Variants in SNX29 observed in about 807,000 individuals in gnomAD.
SNX29 encodes sorting nexin-29.
In SNX29, 78 loss-of-function variants were observed where a neutral mutation model predicts 102.1. That is an observed-to-expected ratio of 0.76 (90% CI 0.64 to 0.92). The LOEUF is 0.92. Among genes scored for constraint, SNX29 ranks in the 40% least tolerant of loss-of-function variants. SNX29 has a pLI of 0.00. For missense variants in SNX29, 1,280 were observed against 1,061.7 expected (o/e 1.21, Z -2.86); for synonymous variants, 580 against 414.5 (o/e 1.40, Z -4.85).
In SNX29 at chr16:12,568,563, C is replaced by A. The variant is rs2288423; in HGVS notation, c.2376C>A (p.Phe792Leu). The A allele has an allele frequency of 6.8e-6, 11 of 1,608,342 alleles. No homozygotes were observed. The South Asian group carries it at 7.7e-5, about 11-fold the overall frequency. The change falls in exon 21 of 21, where the codon TTC becomes TTA. Residue 792 changes from phenylalanine to leucine, a missense_variant. Physicochemically the swap from Phe to Leu is conservative, Grantham distance 22. Coordinates refer to ENST00000566228, the MANE Select transcript of SNX29 (RefSeq NM_032167.5). ...VNSRPKAASR[F>L]PKLSRGQPRE... is the part of the protein sequence containing the mutation. Reference sequence around the variant, plus strand: ...GCCGGCCCAAAGCAGCTTCCCGCTTCCCCAAACTGTCCCGGGGTCAGCCCC... The same window carrying A: ...GCCGGCCCAAAGCAGCTTCCCGCTTACCCAAACTGTCCCGGGGTCAGCCCC...
At chr16:12,457,935 C>T (rs1974707) in intron 18 of SNX29, among the ~76,000 whole-genome samples, 45,727 of 152,098 alleles carry the variant, frequency 0.3, 7,768 homozygotes, top group East Asian at 0.46. Flanking sequence ...TTTAAACATA[C>T]ATTAGAGAGA....
At chr16:12,482,316 T>G (rs556239413) in intron 19 of SNX29, among the ~76,000 whole-genome samples, 1 of 152,222 alleles carries the variant, frequency 6.6e-6, no homozygotes, top group Admixed American at 6.5e-5. Context: ...TCCCTTCCTT[T>G]CCTTTCACAG....
chr16:12,311,206 C>T (rs753255377), intron 15 of SNX29, among the ~76,000 whole-genome samples: 1 of 152,168 alleles, frequency 6.6e-6, no homozygotes, highest in Non-Finnish European at 1.5e-5. Context: ...CCCCCCGCCC[C>T]CTACCCTAGG....
intron 8 of SNX29, among the ~76,000 whole-genome samples, chr16:12,061,174 A>C (rs981044710): frequency 2.0e-5 from 3 of 152,050 alleles, no homozygotes; most frequent in African/African-American, 7.3e-5. Flanking sequence ...CTTTCTCCAC[A>C]ATCTGAGATG....
At chr16:12,227,866 C>T (rs1005811993) in intron 14 of SNX29, among the ~76,000 whole-genome samples, 1 of 143,142 alleles carries the variant, frequency 7.0e-6, no homozygotes, top group African/African-American at 2.7e-5. Flanking sequence ...AGCCAGTGCA[C>T]TGCAGCCTGG....
chr16:12,484,997 T>A (rs775565971), intron 19 of SNX29, among the ~76,000 whole-genome samples: 1 of 152,240 alleles, frequency 6.6e-6, no homozygotes, highest in Non-Finnish European at 1.5e-5. Flanking sequence ...ACGGTCTAAA[T>A]TAATGAACAA....
intron 16 of SNX29, among the ~76,000 whole-genome samples, chr16:12,394,512 T>C (rs2083649858): frequency 6.6e-6 from 1 of 152,226 alleles, no homozygotes; most frequent in Admixed American, 6.5e-5. Flanking sequence ...TTGGCTATTT[T>C]TTTATCTCTC....
chr16:12,475,627 C>T (rs900240259), intron 18 of SNX29, among the ~76,000 whole-genome samples: 5 of 152,228 alleles, frequency 3.3e-5, no homozygotes, highest in Admixed American at 6.5e-5. Flanking sequence ...AGAACACTTA[C>T]ATTCACCTAT....
intron 20 of SNX29, 52 bp downstream of exon 20, chr16:12,524,893 C>G (rs1489767408): frequency 2.5e-6 from 4 of 1,594,782 alleles, no homozygotes; most frequent in Admixed American, 1.7e-5. Flanking sequence ...GCATTTTTTT[C>G]TCGGTCGTTT....
chr16:12,288,678 GAAAA>G (rs532173454), intron 15 of SNX29, among the ~76,000 whole-genome samples: 7 of 107,000 alleles, frequency 6.5e-5, no homozygotes, highest in African/African-American at 1.7e-4. Context: ...GACATCTGGG[GAAAA>G]AAAAAAAAAA....
chr16:12,535,048 C>T (rs1393065171), intron 20 of SNX29, among the ~76,000 whole-genome samples: 3 of 152,108 alleles, frequency 2.0e-5, no homozygotes, highest in Non-Finnish European at 2.9e-5. Flanking sequence ...AAACCAGCTA[C>T]AAAGCACTGG....
At chr16:12,546,290 A>G (rs2077600900) in intron 20 of SNX29, 1 of 152,242 alleles carries the variant, frequency 6.6e-6, no homozygotes, top group African/African-American at 2.4e-5. Flanking sequence ...CACAGTGCTG[A>G]TAAAGACATA....
Position 12,048,504 on chromosome 16 carries a change from C to A in SNX29, c.632C>A (p.Thr211Lys), listed in dbSNP as rs768184049. 3 of 1,613,804 alleles carry A rather than the reference C, an allele frequency of 1.9e-6. No individual in the cohort carries two copies. In the African/African-American group the frequency reaches 4.0e-5, roughly 22 times the overall value. Residue 211 changes from threonine to lysine, a missense_variant, in exon 7 of 21, where the codon ACG becomes AAG. Coordinates refer to ENST00000566228, the MANE Select transcript of SNX29 (RefSeq NM_032167.5). ...QNVTSLLKES[T>K]QGVSSLFREI... ...GTGACCTCCTTGCTGAAGGAGTCCACGCAAGGAGTGAGCAGCCTGTTCAGG... is the reference window on the plus strand; with the variant it reads ...GTGACCTCCTTGCTGAAGGAGTCCAAGCAAGGAGTGAGCAGCCTGTTCAGG...
At chr16:12,167,641 A>C (rs1308106419) in intron 13 of SNX29, among the ~76,000 whole-genome samples, 1 of 152,170 alleles carries the variant, frequency 6.6e-6, no homozygotes, top group East Asian at 1.9e-4. Context: ...TGTTTCAGAC[A>C]TTCTTTTAAT....
chr16:11,989,334 C>T (rs1418003075), intron 1 of SNX29, among the ~76,000 whole-genome samples: 1 of 152,152 alleles, frequency 6.6e-6, no homozygotes. Flanking sequence ...TGATCTTAGA[C>T]ACCATAAGCC....
intron 18 of SNX29, among the ~76,000 whole-genome samples, chr16:12,470,464 G>T (rs2087282724): frequency 6.6e-6 from 1 of 152,182 alleles, no homozygotes; most frequent in African/African-American, 2.4e-5. Context: ...GGAACCTGGG[G>T]GCTTGCGTGG....
intron 9 of SNX29, among the ~76,000 whole-genome samples, chr16:12,063,776 A>C (rs2050893776): frequency 6.8e-6 from 1 of 148,046 alleles, no homozygotes; most frequent in Non-Finnish European, 1.5e-5. Context: ...GGAATTTCTC[A>C]TGGGTCTCAG....
intron 14 of SNX29, among the ~76,000 whole-genome samples, chr16:12,269,877 T>C (rs143843672): frequency 6.9e-6 from 1 of 144,898 alleles, no homozygotes; most frequent in African/African-American, 2.6e-5. Context: ...TTATTATTAT[T>C]TGAGATGGGG....
intron 13 of SNX29, among the ~76,000 whole-genome samples, chr16:12,193,489 G>A (rs571665104): frequency 1.7e-5 from 2 of 120,948 alleles, no homozygotes; most frequent in Non-Finnish European, 3.9e-5. Context: ...AAAAGAAAAA[G>A]TCTTTCACAT....
Sources: allele counts gnomAD v4.1 joint callset (sites outside exome capture counted in the v4.1 genomes callset), GRCh38; gene constraint gnomAD v4.1.1; transcripts MANE v1.5; gene names NCBI Gene and HGNC (gene_info 2026-07-23, HGNC 2026-07-21).